The following TIAM2 variants were observed in gnomAD, a reference collection of about 807,000 sequenced individuals.
The protein encoded by TIAM2 is rho guanine nucleotide exchange factor TIAM2.
Under a neutral mutation model 152.9 loss-of-function variants are expected in TIAM2, and 80 were observed. The observed-to-expected ratio is 0.52, with a 90% CI of 0.44 to 0.63. TIAM2 has a LOEUF of 0.63. Ranked by LOEUF, TIAM2 falls within the 30% of genes least tolerant of loss-of-function variation. TIAM2 has a pLI of 0.00. For missense variants in TIAM2, 1,965 were observed against 2,120.1 expected, an observed-to-expected ratio of 0.93 and a Z score of 1.44; for synonymous variants, 804 against 838.0, an observed-to-expected ratio of 0.96 and a Z score of 0.70.
intron 19 of TIAM2, among the ~76,000 whole-genome samples, chr6:155,246,000 A>G (rs78786567): frequency 0.05 from 7,633 of 151,986 alleles, 262 homozygotes; most frequent in East Asian, 0.18. Context: ...TTTTCTTGCC[A>G]AATTCCTTTC....
intron 14 of TIAM2, among the ~76,000 whole-genome samples, chr6:155,194,291 T>C (rs1781282152): frequency 6.6e-6 from 1 of 152,026 alleles, no homozygotes; most frequent in African/African-American, 2.4e-5. Context: ...GTGAGACAGG[T>C]GAGCAGGGCC....
In TIAM2 at chr6:155,256,548, C is replaced by A. The variant is rs1238121154; in HGVS notation, c.4533C>A (p.Gly1511=). 6.2e-7 allele frequency: 1 copy of A among 1,614,202 alleles called. No individual in the cohort carries two copies. Among genetic ancestry groups the A allele is most frequent in the Admixed American group, 1.7e-5 (1 of 60,030 alleles). The part of the protein sequence containing the change: ...SSSNEWTGET[G]KGTLLDSDEG... The stretch of plus-strand genomic sequence containing the variant: ...GCAACGAGTGGACCGGTGAGACTGG[C>A]AAGGGAACCTTGCTGGACTCTGACG... The change falls in exon 27 of 27, where the codon GGC becomes GGA. Residue 1511 remains glycine, a synonymous_variant. Coordinates refer to ENST00000682666, the MANE Select transcript of TIAM2 (RefSeq NM_012454.4).
In TIAM2 at chr6:155,027,436, TATA is replaced by T. The variant is rs1261197270; in HGVS notation, c.-209+31948_-209+31950del. ...TATACTGTGTTACATATATACTATA[TATA>T]ATATATATACTGTGTTACATATATA... On this transcript the variant is annotated intron_variant, in intron 1 of 26. Transcript: ENST00000682666. Among the ~76,000 whole-genome samples the T allele has an allele frequency of 5.5e-5, 5 of 91,108 alleles. No individual in the cohort carries two copies. In the East Asian group the frequency reaches 1.3e-3, roughly 24 times the overall value. 59.8% of individuals were successfully genotyped at this position (91,108 alleles called of 152,430 possible). A position where few individuals can be genotyped will look rare whatever the true frequency, so the allele number is the denominator to read the frequency against.
chr6:155,062,682 G>A (rs988839269), intron 1 of TIAM2, among the ~76,000 whole-genome samples: 8 of 151,032 alleles, frequency 5.3e-5, no homozygotes, highest in Admixed American at 3.3e-4. Flanking sequence ...GAGTTCATGC[G>A]ATTCTCCTGC....
In TIAM2 at chr6:154,995,460, A is replaced by T. The variant is rs1251866510; in HGVS notation, c.-241A>T. 2 of 149,092 alleles carry T rather than the reference A, an allele frequency of 1.3e-5. No individual in the cohort carries two copies. Among genetic ancestry groups the T allele is most frequent in the Non-Finnish European group, 3.0e-5 (2 of 67,080 alleles). 9.2% of individuals were successfully genotyped at this position (149,092 alleles called of 1,614,324 possible). On this transcript the variant is annotated 5_prime_UTR_variant, in exon 1 of 27. Transcript: ENST00000682666. This position sits in a 1 kb window ranked among gnomAD's most constrained non-coding sequence, Gnocchi z 5.2. ...CGAGGGTAGCGGAGGGCGGCGCGCG[A>T]CCGGCCCCACCGAGCCCGGCGCGCG...
chr6:155,183,615 A>G (rs902924038), intron 14 of TIAM2, 115 bp downstream of exon 14: 4 of 1,302,090 alleles, frequency 3.1e-6, no homozygotes, highest in African/African-American at 1.5e-5. Context: ...ATGTTTTCTA[A>G]TTTATTAGAA....
At chr6:155,007,394 T>C (rs1778419998) in intron 1 of TIAM2, among the ~76,000 whole-genome samples, 1 of 151,492 alleles carries the variant, frequency 6.6e-6, no homozygotes, top group Admixed American at 6.6e-5. Flanking sequence ...TCTTTCTTTT[T>C]TTTTTTTTGA....
chr6:155,089,978 C>T (rs1778265530), intron 1 of TIAM2, among the ~76,000 whole-genome samples: 1 of 152,154 alleles, frequency 6.6e-6, no homozygotes. Context: ...ATCTATCCAT[C>T]TCCTGTCTAA....
chr6:155,168,882 C>T, intron 9 of TIAM2: 1 of 1,535,688 alleles, frequency 6.5e-7, no homozygotes, highest in South Asian at 1.2e-5. Context: ...TTTTCTGGAA[C>T]TCAGCTACCT....
intron 1 of TIAM2, among the ~76,000 whole-genome samples, chr6:155,079,236 A>G (rs953075381): frequency 4.0e-5 from 6 of 151,560 alleles, no homozygotes; most frequent in African/African-American, 1.5e-4. Context: ...TAATTTTTGT[A>G]TTTTTACTAG....
chr6:155,104,735 C>G (rs566385178), intron 2 of TIAM2, among the ~76,000 whole-genome samples: 1 of 140,548 alleles, frequency 7.1e-6, no homozygotes, highest in Non-Finnish European at 1.5e-5. Context: ...CCAGCCTGGG[C>G]AACAGAGAGA....
At chr6:155,247,381 T>G (rs911587655) in intron 19 of TIAM2, among the ~76,000 whole-genome samples, 2 of 152,098 alleles carry the variant, frequency 1.3e-5, no homozygotes, top group African/African-American at 4.8e-5. Context: ...TAGGCTGGAG[T>G]GCAGTGGCGC....
intron 6 of TIAM2, among the ~76,000 whole-genome samples, chr6:155,146,982 T>G (rs1779833364): frequency 6.6e-6 from 1 of 152,002 alleles, no homozygotes; most frequent in Non-Finnish European, 1.5e-5. Context: ...CTTGAACTCC[T>G]GGACTCAAAA....
intron 9 of TIAM2, among the ~76,000 whole-genome samples, chr6:155,170,834 G>A (rs1341238861): frequency 2.0e-5 from 3 of 152,182 alleles, no homozygotes; most frequent in Admixed American, 6.5e-5. Context: ...TACTTGTGAT[G>A]TAGGGATACT....
chr6:155,110,318 CTTTTTTT>C (rs67332964), intron 2 of TIAM2, among the ~76,000 whole-genome samples: 1 of 133,800 alleles, frequency 7.5e-6, no homozygotes, highest in Non-Finnish European at 1.6e-5. Context: ...TCTTTCTTTT[CTTTTTTT>C]TTTTGTTGTT....
At chr6:155,161,110 A>T (rs181012904) in intron 7 of TIAM2, among the ~76,000 whole-genome samples, 214 of 152,178 alleles carry the variant, frequency 1.4e-3, no homozygotes, top group African/African-American at 4.8e-3. Flanking sequence ...TTGGGTGGAG[A>T]GGTCTATGAG....
intron 9 of TIAM2, among the ~76,000 whole-genome samples, chr6:155,170,770 G>A (rs1240782208): frequency 6.6e-6 from 1 of 152,160 alleles, no homozygotes; most frequent in Non-Finnish European, 1.5e-5. Context: ...TAAGGAGTGA[G>A]AAGAAACTAT....
chr6:155,013,181 C>T (rs1413915335), intron 1 of TIAM2, among the ~76,000 whole-genome samples: 1 of 151,728 alleles, frequency 6.6e-6, no homozygotes, highest in South Asian at 2.1e-4. Context: ...CCCATGGCTC[C>T]TGTAGTACAG....
intron 1 of TIAM2, among the ~76,000 whole-genome samples, chr6:155,010,597 A>G (rs1165882947): frequency 6.6e-6 from 1 of 152,084 alleles, no homozygotes; most frequent in African/African-American, 2.4e-5. Flanking sequence ...CTGGGATTAC[A>G]GGCATGCGCC....
Sources: allele counts gnomAD v4.1 joint callset (sites outside exome capture counted in the v4.1 genomes callset), GRCh38; gene constraint gnomAD v4.1.1; non-coding constraint Gnocchi (gnomAD v3.1); transcripts MANE v1.5; gene names NCBI Gene and HGNC (gene_info 2026-07-23, HGNC 2026-07-21).